Variants in MYH8 observed in about 807,000 individuals in gnomAD.
The protein encoded by MYH8 is myosin-8.
In MYH8, 168 loss-of-function variants were observed where a neutral mutation model predicts 233.2. The observed-to-expected ratio is 0.72, with a 90% CI of 0.64 to 0.82. MYH8 has a LOEUF of 0.82. Among genes scored for constraint, MYH8 ranks in the 40% least tolerant of loss-of-function variants. The pLI is 0.00. For synonymous variants in MYH8, 785 were observed against 850.6 expected (o/e 0.92, Z 1.34); for missense variants, 1,995 against 2,327.8 (o/e 0.86, Z 2.94).
In MYH8 at chr17:10,409,551, A is replaced by G; in HGVS notation, c.1625T>C (p.Met542Thr). The change falls in exon 16 of 40, where the codon ATG becomes ACG. Residue 542 changes from methionine (M) to threonine (T), a missense_variant. By Grantham distance (81) the Met-to-Thr change is moderately conservative. Around this residue, in one of 3 missense-constraint regions of MYH8, gnomAD observed 1,498 missense variants for 1,680.9 expected, o/e 0.89. Transcript: ENST00000403437. Reference sequence around the variant, plus strand: ...GGAGGTGTCCGTTGCCTTAGGGAACATGCACTCCTCTTCCAGGATGGAGAA... The same window carrying G: ...GGAGGTGTCCGTTGCCTTAGGGAACGTGCACTCCTCTTCCAGGATGGAGAA... ...GIFSILEEEC[M>T]FPKATDTSFK... is the part of the protein sequence containing the mutation. 1 of 1,614,232 alleles carries G rather than the reference A, an allele frequency of 6.2e-7. No homozygotes were observed. Among genetic ancestry groups the G allele is most frequent in the Non-Finnish European group, 8.5e-7 (1 of 1,180,028 alleles).
At position 10,403,126 on chromosome 17, in the gene MYH8, T is replaced by C. The variant is rs536299114; in HGVS notation, c.2688+1204A>G. 9.5e-4 allele frequency among the ~76,000 whole-genome samples: 145 copies of C among 152,274 alleles called. 1 individual carries two copies. Among genetic ancestry groups the C allele is most frequent in the Non-Finnish European group, 1.6e-3 (112 of 68,012 alleles). ...CATATGTCAAGTTAGGAAAAAAAAA[T>C]AGAATGAACAGTGATATGTTATGAA... is the stretch of plus-strand genomic sequence containing the variant. On this transcript the variant is annotated intron_variant, in intron 22 of 39. Transcript: ENST00000403437.
rs777722593 is a variant in MYH8 at position 10,415,633 on chromosome 17, A to G, written c.539+48T>C. ...CAGAGAACTATGGCCTGCATTGTCA[A>G]CATCTAAGACAATCCTTGCAAATCA... On this transcript the variant is annotated intron_variant, in intron 6 of 39. Coordinates refer to ENST00000403437, the MANE Select transcript of MYH8 (RefSeq NM_002472.3). The surrounding 1 kb of genome is among the most constrained non-coding windows in gnomAD (Gnocchi z 4.1). 6.2e-7 allele frequency: 1 copy of G among 1,612,950 alleles called. No individual in the cohort carries two copies. The highest frequency in any genetic ancestry group is 8.5e-7 in the Non-Finnish European group (1 of 1,178,894).
At chr17:10,416,728 A>C (rs2072293142) in intron 5 of MYH8, among the ~76,000 whole-genome samples, 1 of 152,210 alleles carries the variant, frequency 6.6e-6, no homozygotes, top group Admixed American at 6.5e-5. Flanking sequence ...AGAGACAATA[A>C]TATAATGAAT....
rs757484863 is a variant in MYH8 at position 10,420,131 on chromosome 17, G to T, written c.97C>A (p.Pro33Thr). The change falls in exon 3 of 40, where the codon CCG becomes ACG. Residue 33 changes from proline (P) to threonine (T), a missense_variant. Physicochemically the swap from Pro to Thr is conservative, Grantham distance 38. This residue lies in a region of MYH8 where 479 missense variants were observed against 600.9 expected (regional missense o/e 0.80). Transcript: ENST00000403437. Reference protein sequence around the residue: ...EKERIEAQNKPFDAKTSVFVA... With the variant: ...EKERIEAQNKTFDAKTSVFVA... Reference sequence around the variant, plus strand: ...AAGACAGATGTTTTAGCATCAAACGGCTTGTTTTGGGCCTCAATCCGCTCC... The same window carrying T: ...AAGACAGATGTTTTAGCATCAAACGTCTTGTTTTGGGCCTCAATCCGCTCC... 6.2e-7 allele frequency: 1 copy of T among 1,614,220 alleles called. No individual in the cohort carries two copies. The highest frequency in any genetic ancestry group is 8.5e-7 in the Non-Finnish European group (1 of 1,180,050).
chr17:10,398,465 G>C lies in MYH8; in HGVS notation c.4157C>G (p.Thr1386Arg). The change falls in exon 30 of 40, where the codon ACA (threonine) becomes AGA (arginine). Residue 1386 changes from threonine (T) to arginine (R), a missense_variant. Coordinates refer to ENST00000403437, the MANE Select transcript of MYH8 (RefSeq NM_002472.3). ...TKYETDAIQR[T>R]EELEEAKKKL... is the part of the protein sequence containing the mutation. ...ATACTTGGCCTCCTCCAGCTCCTCT[G>C]TGCGCTGGATGGCATCCGTCTCGTA... 6.2e-7 allele frequency: 1 copy of C among 1,613,986 alleles called. No individual in the cohort carries two copies. The highest frequency in any genetic ancestry group is 8.5e-7 in the Non-Finnish European group (1 of 1,179,882).
rs2072224475 is a variant in MYH8, at chr17:10,409,411, C to T, written c.1765G>A (p.Val589Met). The T allele has an allele frequency of 2.5e-6, 4 of 1,614,088 alleles. No individual in the cohort carries two copies. The highest frequency in any genetic ancestry group is 2.5e-6 in the Non-Finnish European group (3 of 1,180,044). ...HFSLIHYAGT[V>M]DYNITGWLDK... ...AGCCAGCCAGTAATGTTGTAGTCCA[C>T]AGTGCCAGCATAGTGAATCAGAGAG... is the stretch of plus-strand genomic sequence containing the variant. Residue 589 changes from valine (V) to methionine (M), a missense_variant, in exon 16 of 40, where the codon GTG becomes ATG. Physicochemically the swap from Val to Met is conservative, Grantham distance 21. Around this residue, in one of 3 missense-constraint regions of MYH8, gnomAD observed 1,498 missense variants for 1,680.9 expected, o/e 0.89. Coordinates refer to ENST00000403437, the MANE Select transcript of MYH8 (RefSeq NM_002472.3).
rs1265311251 is a variant in MYH8, at chr17:10,400,610, G to A, written c.3515C>T (p.Ala1172Val). 2 of 1,614,214 alleles carry A rather than the reference G, an allele frequency of 1.2e-6. No individual in the cohort carries two copies. Among genetic ancestry groups the A allele is most frequent in the African/African-American group, 2.7e-5 (2 of 75,064 alleles). Residue 1172 changes from alanine to valine, a missense_variant, in exon 27 of 40, where the codon GCT becomes GTT. Transcript: ENST00000403437. This position sits in a 1 kb window ranked among gnomAD's most constrained non-coding sequence, Gnocchi z 4.0. ...AQVELNKKREAEFQKLRRDLE... is the reference protein window; with the variant it reads ...AQVELNKKREVEFQKLRRDLE... ...GTCCCTGCGCAGTTTCTGAAACTCA[G>A]CCTCCCGCTTCTTGTTCAATTCCAC...
chr17:10,414,289 A>G lies in MYH8; in HGVS notation c.911T>C (p.Leu304Pro). The G allele has an allele frequency of 6.8e-6, 11 of 1,614,108 alleles. No homozygotes were observed. The highest frequency in any genetic ancestry group is 9.3e-6 in the Non-Finnish European group (11 of 1,179,936). ...SNKKPDLIEM[L>P]LITTNPYDYA... The stretch of plus-strand genomic sequence containing the variant: ...GTCATATGGGTTGGTGGTGATCAGG[A>G]GCATTTCTGGGTCACAGAATTCAGG... Residue 304 changes from leucine (L) to proline (P), a missense_variant, in exon 11 of 40, where the codon CTC (leucine) becomes CCC (proline). Physicochemically the swap from Leu to Pro is moderately conservative, Grantham distance 98. This residue lies in a region of MYH8 where 479 missense variants were observed against 600.9 expected (regional missense o/e 0.80). Transcript: ENST00000403437.
intron 12 of MYH8, among the ~76,000 whole-genome samples, chr17:10,413,327 G>A (rs2142187178): frequency 6.6e-6 from 1 of 152,300 alleles, no homozygotes; most frequent in South Asian, 2.1e-4. Flanking sequence ...GTCAGGAAAG[G>A]CTTTAAGGAG....
chr17:10,419,272 G>T lies in MYH8; in HGVS notation c.211-242C>A, dbSNP rs1170697473. 6.6e-6 allele frequency among the ~76,000 whole-genome samples: 1 copy of T among 152,080 alleles called. No homozygotes were observed. The highest frequency in any genetic ancestry group is 2.4e-5 in the African/African-American group (1 of 41,412). On this transcript the variant is annotated intron_variant, in intron 3 of 39. Transcript: ENST00000403437. The surrounding 1 kb of genome is among the most constrained non-coding windows in gnomAD (Gnocchi z 4.0). ...AGGATTTCGCCATGTTGGCCAGGCT[G>T]GTCTCGAACTCCTGATCTCAGGTGA...
At position 10,392,180 on chromosome 17, in the gene MYH8, C is replaced by T. The variant is rs2270056; in HGVS notation, c.5569-203G>A. On this transcript the variant is annotated intron_variant, in intron 38 of 39. Coordinates refer to ENST00000403437, the MANE Select transcript of MYH8 (RefSeq NM_002472.3). ...ACTGTATTAGAGAATTGCACACATC[C>T]TCTCCAGTCCTTACCTCCCCATCCG... is the stretch of plus-strand genomic sequence containing the variant. Among the ~76,000 whole-genome samples, 87,380 of 151,996 alleles carry T rather than the reference C, an allele frequency of 0.57. 26,118 individuals carry two copies. Among genetic ancestry groups the T allele is most frequent in the African/African-American group, 0.69 (28,419 of 41,482 alleles).
In MYH8 at chr17:10,393,991, C is replaced by CTT. The variant is rs35512526; in HGVS notation, c.5166+256_5166+257dup. Among the ~76,000 whole-genome samples the CTT allele has an allele frequency of 0.036, 1,296 of 35,994 alleles. 326 individuals carry two copies. Among genetic ancestry groups the CTT allele is most frequent in the African/African-American group, 0.041 (332 of 8,008 alleles). 23.6% of individuals were successfully genotyped at this position (35,994 alleles called of 152,430 possible). A position where few individuals can be genotyped will look rare whatever the true frequency, so the allele number is the denominator to read the frequency against. On this transcript the variant is annotated intron_variant, in intron 35 of 39. Transcript: ENST00000403437. The stretch of plus-strand genomic sequence containing the variant: ...TTATTTTTAAATAAAAAAGTAATAG[C>CTT]TTTTTTTTTTTTTTTTTTTTTTTTT...
chr17:10,406,422 T>C (rs567364259), intron 19 of MYH8, 25 bp from the exon 20 acceptor site: 1 of 1,613,708 alleles, frequency 6.2e-7, no homozygotes, highest in East Asian at 2.2e-5. Flanking sequence ...AAAGAAAGAA[T>C]GGTTAGGAAA....
At position 10,406,021 on chromosome 17, in the gene MYH8, A is replaced by T; in HGVS notation, c.2432+20T>A. 1 of 1,612,798 alleles carries T rather than the reference A, an allele frequency of 6.2e-7. No individual in the cohort carries two copies. Among genetic ancestry groups the T allele is most frequent in the Non-Finnish European group, 8.5e-7 (1 of 1,179,178 alleles). On this transcript the variant is annotated intron_variant, in intron 21 of 39. Transcript: ENST00000403437. ...GTCCTTAAGGGACCTTATAATTCTG[A>T]TATTCTGAATGATTGTTACCTCCTT...
At position 10,415,337 on chromosome 17, in the gene MYH8, G is replaced by A. The variant is rs750542942; in HGVS notation, c.696C>T (p.Ala232=). ...QIISANPLLE[A]FGNAKTVRND... is the part of the protein sequence containing the mutation. ...TCCTCACAGTTTTGGCATTGCCAAA[G>A]GCCTCCAGTAGGGGATTGGCGCTGA... The change falls in exon 8 of 40, where the codon GCC becomes GCT. Residue 232 remains alanine, a synonymous_variant. Coordinates refer to ENST00000403437, the MANE Select transcript of MYH8 (RefSeq NM_002472.3). This position sits in a 1 kb window ranked among gnomAD's most constrained non-coding sequence, Gnocchi z 4.1. 4 of 1,614,066 alleles carry A rather than the reference G, an allele frequency of 2.5e-6. No homozygotes were observed. The highest frequency in any genetic ancestry group is 1.3e-5 in the African/African-American group (1 of 74,928).
intron 33 of MYH8, among the ~76,000 whole-genome samples, chr17:10,395,811 A>G (rs1054171886): frequency 5.9e-5 from 9 of 152,076 alleles, no homozygotes; most frequent in Non-Finnish European, 1.0e-4. Flanking sequence ...TTTTTTTCCG[A>G]TTACATAATA....
rs1185439043 is a variant in MYH8, at chr17:10,409,129, A to T, written c.1933T>A (p.Ser645Thr). 6.2e-7 allele frequency: 1 copy of T among 1,614,232 alleles called. No individual in the cohort carries two copies. Among genetic ancestry groups the T allele is most frequent in the African/African-American group, 1.3e-5 (1 of 75,058 alleles). The change falls in exon 17 of 40, where the codon TCT (serine) becomes ACT (threonine). Residue 645 changes from serine to threonine, a missense_variant. Coordinates refer to ENST00000403437, the MANE Select transcript of MYH8 (RefSeq NM_002472.3). ...SAKKGAKKKG[S>T]SFQTVSALFR... The stretch of plus-strand genomic sequence containing the variant: ...AGGGCAGACACAGTCTGGAAAGAAG[A>T]GCCCTTTTTCTTAGCACCTTTCTTC...
intron 17 of MYH8, among the ~76,000 whole-genome samples, chr17:10,407,688 A>G (rs1281819707): frequency 5.3e-5 from 8 of 151,904 alleles, no homozygotes; most frequent in African/African-American, 1.9e-4. Context: ...AAAATACAAA[A>G]ATTAGCCAGG....
At chr17:10,418,579 G>A (rs2072307507) in intron 5 of MYH8, 66 bp downstream of exon 5, 1 of 1,611,532 alleles carries the variant, frequency 6.2e-7, no homozygotes, top group Non-Finnish European at 8.5e-7. Flanking sequence ...AGGCTCGGAA[G>A]AGGTCTGTCT....
Sources: allele counts gnomAD v4.1 joint callset (sites outside exome capture counted in the v4.1 genomes callset), GRCh38; gene constraint gnomAD v4.1.1; regional missense constraint gnomAD v4.1.1; non-coding constraint Gnocchi (gnomAD v3.1); transcripts MANE v1.5; gene names NCBI Gene and HGNC (gene_info 2026-07-23, HGNC 2026-07-21).